The following DAB1 variants were observed in gnomAD, a reference collection of about 807,000 sequenced individuals.
The protein encoded by DAB1 is disabled homolog 1.
Under a neutral mutation model 64.6 loss-of-function variants are expected in DAB1, and 15 were observed. The observed-to-expected ratio is 0.23, with a 90% CI of 0.16 to 0.36. The LOEUF (loss-of-function observed/expected upper bound fraction) is 0.36. DAB1 is among the 10% of genes least tolerant of loss of function. The pLI is 1.00. For missense variants in DAB1, 596 were observed against 706.7 expected (o/e 0.84, Z 1.78); for synonymous variants, 235 against 251.9 (o/e 0.93, Z 0.64).
chr1:57,448,099 T>C (rs1362738845), intron 7 of DAB1, among the ~76,000 whole-genome samples: 1 of 152,168 alleles, frequency 6.6e-6, no homozygotes, highest in African/African-American at 2.4e-5. Flanking sequence ...AGCTGAAGGA[T>C]TGTAGGCAGC....
At chr1:58,290,587 A>G (rs974144788) in intron 4 of DAB1, among the ~76,000 whole-genome samples, 3 of 152,214 alleles carry the variant, frequency 2.0e-5, no homozygotes, top group African/African-American at 7.2e-5. Flanking sequence ...TCCATTTCAC[A>G]GATGATTAAA....
intron 9 of DAB1, among the ~76,000 whole-genome samples, chr1:57,049,564 T>C (rs6681325): frequency 0.49 from 74,167 of 150,456 alleles, 18,821 homozygotes; most frequent in African/African-American, 0.62. Flanking sequence ...TTCTGGTTAC[T>C]TGACCTTCCA....
intron 2 of DAB1, among the ~76,000 whole-genome samples, chr1:58,517,873 C>A (rs1221301127): frequency 6.6e-6 from 1 of 151,846 alleles, no homozygotes; most frequent in Non-Finnish European, 1.5e-5. Flanking sequence ...TCAATGTCTT[C>A]TTAAAGCCTT....
intron 6 of DAB1, among the ~76,000 whole-genome samples, chr1:57,684,960 C>CTT (rs57208939): frequency 6.8e-6 from 1 of 147,900 alleles, no homozygotes; most frequent in Admixed American, 6.7e-5. Flanking sequence ...TTTCTTTTTT[C>CTT]TTTTTTTTTT....
chr1:57,213,985 CA>C (rs1203644249), intron 2 of DAB1, among the ~76,000 whole-genome samples: 3 of 152,100 alleles, frequency 2.0e-5, no homozygotes. Context: ...GCAGGTATAC[CA>C]AAAGGTAATT....
At chr1:58,096,645 C>T (rs1428247229) in intron 5 of DAB1, among the ~76,000 whole-genome samples, 2 of 152,182 alleles carry the variant, frequency 1.3e-5, no homozygotes, top group Non-Finnish European at 2.9e-5. Flanking sequence ...CCAGAAAAGT[C>T]TTCTTTCTAG....
chr1:57,318,731 CAAAAAAAAAAAAA>C (rs10522783), intron 1 of DAB1, among the ~76,000 whole-genome samples: 4 of 116,948 alleles, frequency 3.4e-5, no homozygotes, highest in African/African-American at 1.3e-4. Context: ...CGGTAATTTG[CAAAAAAAAAAAAA>C]AAAAAAAAAA....
At chr1:57,367,995 G>C (rs1204537707) in intron 1 of DAB1, among the ~76,000 whole-genome samples, 3 of 152,214 alleles carry the variant, frequency 2.0e-5, no homozygotes, top group Non-Finnish European at 4.4e-5. Flanking sequence ...GGCCCAGGAA[G>C]GCTTGGAAAT....
chr1:57,466,600 A>G (rs951728443), intron 7 of DAB1, among the ~76,000 whole-genome samples: 18 of 152,266 alleles, frequency 1.2e-4, no homozygotes, highest in Non-Finnish European at 2.9e-5. Flanking sequence ...TCTGCAAGTT[A>G]GAAGTCTGAG....
chr1:58,520,983 C>G (rs1347222127), intron 2 of DAB1, among the ~76,000 whole-genome samples: 1 of 152,098 alleles, frequency 6.6e-6, no homozygotes, highest in African/African-American at 2.4e-5. Context: ...GAACACCACC[C>G]GCAATGGCAG....
chr1:57,035,637 T>C (rs1647116875), intron 9 of DAB1, among the ~76,000 whole-genome samples: 3 of 152,166 alleles, frequency 2.0e-5, no homozygotes, highest in African/African-American at 7.2e-5. Context: ...CATGTAACCC[T>C]TGACAAGTCA....
intron 4 of DAB1, among the ~76,000 whole-genome samples, chr1:58,321,406 T>G (rs11207194): frequency 0.22 from 33,047 of 152,130 alleles, 4,040 homozygotes; most frequent in East Asian, 0.64. Flanking sequence ...TCACTGGGAC[T>G]GGTTGGACAG....
At chr1:57,138,442 C>G (rs1038220967) in intron 3 of DAB1, among the ~76,000 whole-genome samples, 1 of 152,148 alleles carries the variant, frequency 6.6e-6, no homozygotes, top group Non-Finnish European at 1.5e-5. Context: ...CTAAGTCTCT[C>G]TCCCTACAAC....
chr1:57,365,665 C>T (rs552559094), intron 1 of DAB1, among the ~76,000 whole-genome samples: 187 of 152,070 alleles, frequency 1.2e-3, no homozygotes, highest in African/African-American at 4.3e-3. Context: ...AGTGAGGTCT[C>T]TCGGACCACA....
chr1:58,323,229 T>TA (rs887630800), intron 4 of DAB1, among the ~76,000 whole-genome samples: 5 of 110,958 alleles, frequency 4.5e-5, no homozygotes, highest in Admixed American at 4.2e-4. Context: ...CCTTAGAACT[T>TA]AAAGTATAAT....
chr1:58,209,470 A>T (rs146664120), intron 4 of DAB1, among the ~76,000 whole-genome samples: 2,604 of 152,336 alleles, frequency 0.017, 33 homozygotes, highest in Middle Eastern at 0.031. Context: ...CTACCTTATA[A>T]AAAGTAGTTG....
intron 9 of DAB1, among the ~76,000 whole-genome samples, chr1:57,049,842 G>A (rs527387253): frequency 6.6e-6 from 1 of 152,302 alleles, no homozygotes; most frequent in East Asian, 1.9e-4. Flanking sequence ...TCAACAAGGA[G>A]GCAGTAGTTG....
chr1:58,163,519 G>A (rs1285682231), intron 4 of DAB1, among the ~76,000 whole-genome samples: 1 of 152,140 alleles, frequency 6.6e-6, no homozygotes, highest in East Asian at 1.9e-4. Context: ...ATAACGACCT[G>A]AGAAACATTT....
At position 57,467,729 on chromosome 1, in the gene DAB1, T is replaced by C. The variant is rs376601347; in HGVS notation, n.626-176563A>G. On this transcript the variant is annotated intron_variant and non_coding_transcript_variant, in intron 7 of 20. Coordinates refer to the DAB1 transcript ENST00000485760. ...CAAGTCATCATTGGGGTTTACTAGA[T>C]ACTCTCACTATCATTGGGTGCATAA... 1.7e-4 allele frequency among the ~76,000 whole-genome samples: 26 copies of C among 152,286 alleles called. No individual in the cohort carries two copies. The East Asian group carries it at 5.0e-3, about 29-fold the overall frequency.
Sources: gnomAD v4.1 joint callset for allele counts (sites outside exome capture counted in the v4.1 genomes callset) on GRCh38, gnomAD v4.1.1 for gene constraint, MANE v1.5 for transcripts, NCBI Gene and HGNC (gene_info 2026-07-23, HGNC 2026-07-21) for gene names.